The following GPX2 variants were observed in gnomAD, a reference collection of about 807,000 sequenced individuals.
GPX2 encodes glutathione peroxidase 2.
GPX2 carries 21 observed loss-of-function variants against 14.1 expected under a neutral mutation model. The observed-to-expected ratio is 1.48, with a 90% confidence interval of 1.05 to 2.14. The LOEUF is 2.14. Ranked by LOEUF, GPX2 falls within the 30% of genes most tolerant of loss-of-function variation. The pLI, the probability that GPX2 is intolerant of heterozygous loss-of-function variation, is 0.00. For synonymous variants in GPX2, 94 were observed against 95.2 expected, an observed-to-expected ratio of 0.99 and a Z score of 0.07; for missense variants, 241 against 249.8, an observed-to-expected ratio of 0.96 and a Z score of 0.24.
chr14:64,940,104 G>A lies in GPX2; in HGVS notation c.223-266C>T. On this transcript the variant is annotated intron_variant, in intron 1 of 1. Transcript: ENST00000389614. The surrounding 1 kb of genome is among the most constrained non-coding windows in gnomAD (Gnocchi z 4.5). ...GCTAATTTTTTTTTTTTTTTGTAGA[G>A]ATGGGGTCTCACTTTGTTGCCCATG... 1 of 1,376,444 alleles carries A rather than the reference G, an allele frequency of 7.3e-7. No individual in the cohort carries two copies. The highest frequency in any genetic ancestry group is 2.2e-5 in the Admixed American group (1 of 44,890). 85.3% of individuals were successfully genotyped at this position (1,376,444 alleles called of 1,614,324 possible).
chr14:64,941,268 A>G (rs1453626263), intron 1 of GPX2: 1 of 844,404 alleles, frequency 1.2e-6, no homozygotes, highest in African/African-American at 1.9e-5. Flanking sequence ...AGGTTTCACC[A>G]TGTTGCTCAG....
chr14:64,941,647 A>C (rs937227237), intron 1 of GPX2: 15 of 756,410 alleles, frequency 2.0e-5, no homozygotes, highest in Non-Finnish European at 2.6e-5. Flanking sequence ...CCTCACCTTC[A>C]TACCACTGTG....
At chr14:64,941,200 G>C (rs1299963198) in intron 1 of GPX2, 1 of 292,818 alleles carries the variant, frequency 3.4e-6, no homozygotes, top group East Asian at 1.5e-4. Flanking sequence ...CCAAGTAGCT[G>C]TGACTACAGG....
intron 1 of GPX2, among the ~76,000 whole-genome samples, chr14:64,941,901 C>A (rs995809819): frequency 6.6e-6 from 1 of 152,178 alleles, no homozygotes; most frequent in Admixed American, 6.5e-5. Context: ...TTTAAACCAA[C>A]AAAAATCATC....
chr14:64,941,242 A>C, intron 1 of GPX2: 1 of 683,036 alleles, frequency 1.5e-6, no homozygotes, highest in Non-Finnish European at 2.0e-6. Flanking sequence ...AATTTTTGCA[A>C]TTTTTTGTAG....
rs17883333 is a variant in GPX2 at position 64,940,272 on chromosome 14, C to A, written c.223-434G>T. On this transcript the variant is annotated intron_variant, in intron 1 of 1. Transcript: ENST00000389614. The surrounding 1 kb of genome is among the most constrained non-coding windows in gnomAD (Gnocchi z 4.5). Reference sequence around the variant, plus strand: ...TGCTTAGAACCTCCTCTTCAACTAACCTACCGACCCACCTACCCATAAATC... The same window carrying A: ...TGCTTAGAACCTCCTCTTCAACTAAACTACCGACCCACCTACCCATAAATC... The A allele has an allele frequency of 1.1e-4, 97 of 863,804 alleles. No homozygotes were observed. The Admixed American group carries it at 1.9e-3, about 17-fold the overall frequency. 53.5% of individuals were successfully genotyped at this position (863,804 alleles called of 1,614,324 possible).
chr14:64,940,278 G>A lies in GPX2; in HGVS notation c.223-440C>T, dbSNP rs925837654. The A allele has an allele frequency of 1.1e-5, 9 of 830,474 alleles. No individual in the cohort carries two copies. The African/African-American group carries it at 1.2e-4, about 11-fold the overall frequency. The allele number at this position is 830,474 out of a possible 1,614,324, so 51.4% of individuals were successfully genotyped here. ...GAACCTCCTCTTCAACTAACCTACCGACCCACCTACCCATAAATCCATACC... is the reference window on the plus strand; with the variant it reads ...GAACCTCCTCTTCAACTAACCTACCAACCCACCTACCCATAAATCCATACC... On this transcript the variant is annotated intron_variant, in intron 1 of 1. Transcript: ENST00000389614. The surrounding 1 kb of genome is among the most constrained non-coding windows in gnomAD (Gnocchi z 4.5).
intron 1 of GPX2, 75 bp downstream of exon 1, chr14:64,942,430 T>C: frequency 1.7e-6 from 2 of 1,189,242 alleles, no homozygotes; most frequent in Non-Finnish European, 2.5e-6. Flanking sequence ...ACATGGTCAT[T>C]CAGCCTCTCC....
In GPX2 at chr14:64,942,745, C is replaced by A. The variant is rs1379471415; in HGVS notation, c.-19G>T. 1.3e-6 allele frequency: 2 copies of A among 1,594,950 alleles called. No homozygotes were observed. The highest frequency in any genetic ancestry group is 1.7e-6 in the Non-Finnish European group (2 of 1,164,492). On this transcript the variant is annotated 5_prime_UTR_variant, in exon 1 of 2. Coordinates refer to ENST00000389614, the MANE Select transcript of GPX2 (RefSeq NM_002083.4). ...AAGCCATGGTGAAGCGCAGAGTGAG[C>A]CCCGCAGAGAGGCCTGAGCCCACTT...
chr14:64,941,329 A>C, intron 1 of GPX2: 10 of 1,163,210 alleles, frequency 8.6e-6, no homozygotes, highest in African/African-American at 1.6e-5. Flanking sequence ...TAGCCTCCCA[A>C]AGCGCTGGGA....
At position 64,942,609 on chromosome 14, in the gene GPX2, A is replaced by G; in HGVS notation, c.118T>C (p.Sec40Arg). Reference protein sequence around the residue: ...AVLIENVASLUGTTTRDFTQL... With the variant: ...AVLIENVASLRGTTTRDFTQL... ...GTGAAGTCCCGGGTGGTTGTGCCTC[A>G]GAGCGAAGCCACATTCTCAATCAGC... Residue 40 changes from selenocysteine (U) to arginine (R), a missense_variant, in exon 1 of 2, where the codon TGA (selenocysteine) becomes CGA (arginine). Transcript: ENST00000389614. 6.2e-7 allele frequency: 1 copy of G among 1,614,232 alleles called. No homozygotes were observed. The highest frequency in any genetic ancestry group is 8.5e-7 in the Non-Finnish European group (1 of 1,180,034).
Position 64,939,663 on chromosome 14 carries a change from A to G in GPX2, c.398T>C (p.Leu133Pro). 1.2e-6 allele frequency: 2 copies of G among 1,614,108 alleles called. No homozygotes were observed. The highest frequency in any genetic ancestry group is 1.7e-6 in the Non-Finnish European group (2 of 1,180,024). Reference protein sequence around the residue: ...LPYPYDDPFSLMTDPKLIIWS... With the variant: ...LPYPYDDPFSPMTDPKLIIWS... ...AATGATGAGCTTGGGATCGGTCATG[A>G]GGGAAAATGGGTCATCATAAGGGTA... is the stretch of plus-strand genomic sequence containing the variant. The change falls in exon 2 of 2, where the codon CTC becomes CCC. Residue 133 changes from leucine to proline, a missense_variant. Coordinates refer to ENST00000389614, the MANE Select transcript of GPX2 (RefSeq NM_002083.4). The surrounding 1 kb of genome is among the most constrained non-coding windows in gnomAD (Gnocchi z 5.7).
chr14:64,941,917 T>G (rs17881052), intron 1 of GPX2, among the ~76,000 whole-genome samples: 385 of 152,338 alleles, frequency 2.5e-3, no homozygotes, highest in Non-Finnish European at 4.1e-3. Context: ...TCATCCTCAA[T>G]CTAAATAACA....
chr14:64,939,194 A>G lies in GPX2; in HGVS notation c.*294T>C. On this transcript the variant is annotated 3_prime_UTR_variant, in exon 2 of 2. Transcript: ENST00000389614. The surrounding 1 kb of genome is among the most constrained non-coding windows in gnomAD (Gnocchi z 5.7). Reference sequence around the variant, plus strand: ...GCCCTTTATTGGTCTCTTCTAGCAGAGTGGCTCCAGGCCCTTCACGCCTCT... The same window carrying G: ...GCCCTTTATTGGTCTCTTCTAGCAGGGTGGCTCCAGGCCCTTCACGCCTCT... The G allele has an allele frequency of 2.7e-6, 1 of 374,136 alleles. No individual in the cohort carries two copies. Among genetic ancestry groups the G allele is most frequent in the South Asian group, 3.1e-5 (1 of 32,052 alleles). The allele number at this position is 374,136 out of a possible 1,614,324, so 23.2% of individuals were successfully genotyped here.
chr14:64,939,934 A>G lies in GPX2; in HGVS notation c.223-96T>C. 6.7e-7 allele frequency: 1 copy of G among 1,490,284 alleles called. No individual in the cohort carries two copies. Among genetic ancestry groups the G allele is most frequent in the Non-Finnish European group, 8.9e-7 (1 of 1,124,398 alleles). 92.3% of individuals were successfully genotyped at this position (1,490,284 alleles called of 1,614,324 possible). ...TTTCACCCTCCTACACTCCCTCCCC[A>G]GGGTCATTCTTTTTCACTGTGAAAG... On this transcript the variant is annotated intron_variant, in intron 1 of 1. Transcript: ENST00000389614. The surrounding 1 kb of genome is among the most constrained non-coding windows in gnomAD (Gnocchi z 5.7).
chr14:64,941,588 C>T (rs978375831), intron 1 of GPX2: 105 of 1,237,812 alleles, frequency 8.5e-5, no homozygotes, highest in Middle Eastern at 4.4e-4. Context: ...AGTTTGGGCT[C>T]AGGTTTGTCA....
rs1355624988 is a variant in GPX2, at chr14:64,939,531, T to C, written c.530A>G (p.Asn177Ser). Residue 177 changes from asparagine (N) to serine (S), a missense_variant, in exon 2 of 2, where the codon AAC (asparagine) becomes AGC (serine). By Grantham distance (46) the Asn-to-Ser change is conservative. Transcript: ENST00000389614. The surrounding 1 kb of genome is among the most constrained non-coding windows in gnomAD (Gnocchi z 5.7). ...RRYSRTFPTI[N>S]IEPDIKRLLK... is the part of the protein sequence containing the mutation. The stretch of plus-strand genomic sequence containing the variant: ...GAGGCGCTTGATGTCAGGCTCAATG[T>C]TGATGGTTGGGAAGGTGCGGCTGTA... The C allele has an allele frequency of 6.2e-7, 1 of 1,614,070 alleles. No individual in the cohort carries two copies. Among genetic ancestry groups the C allele is most frequent in the Admixed American group, 1.7e-5 (1 of 60,012 alleles).
rs528075500 is a variant in GPX2, at chr14:64,941,841, C to G, written c.222+664G>C. ...TGCATGTAATGCCCAGAGGCACGTG[C>G]CTTTTGAAAACCTTTCTCTTTCCTG... On this transcript the variant is annotated intron_variant, in intron 1 of 1. Transcript: ENST00000389614. Among the ~76,000 whole-genome samples, 3 of 152,292 alleles carry G rather than the reference C, an allele frequency of 2.0e-5. No individual in the cohort carries two copies. In the East Asian group the frequency reaches 5.8e-4, roughly 29 times the overall value.
rs1594919042 is a variant in GPX2, at chr14:64,940,775, A to G, written c.223-937T>C. ...CTACCCAAAGACTGCTGCACCTCCT[A>G]TCCACTCACTGCTCTCAGCTACGCA... On this transcript the variant is annotated intron_variant, in intron 1 of 1. Coordinates refer to ENST00000389614, the MANE Select transcript of GPX2 (RefSeq NM_002083.4). This position sits in a 1 kb window ranked among gnomAD's most constrained non-coding sequence, Gnocchi z 4.5. 6.6e-6 allele frequency among the ~76,000 whole-genome samples: 1 copy of G among 152,112 alleles called. No individual in the cohort carries two copies. Among genetic ancestry groups the G allele is most frequent in the African/African-American group, 2.4e-5 (1 of 41,414 alleles).
Sources: gnomAD v4.1 joint callset for allele counts (sites outside exome capture counted in the v4.1 genomes callset) on GRCh38, gnomAD v4.1.1 for gene constraint, Gnocchi (gnomAD v3.1) non-coding constraint, MANE v1.5 for transcripts, NCBI Gene and HGNC (gene_info 2026-07-23, HGNC 2026-07-21) for gene names.